CALD1: variants seen among roughly 807,000 people sequenced by gnomAD.
The protein encoded by CALD1 is caldesmon 1.
A neutral mutation model predicts 99.9 loss-of-function variants in CALD1; 33 were observed. That is an observed-to-expected ratio of 0.33 (90% CI 0.25 to 0.44). The LOEUF (loss-of-function observed/expected upper bound fraction) is 0.44, where lower values mean the gene tolerates loss of function less well. Ranked by LOEUF, CALD1 falls within the 20% of genes least tolerant of loss-of-function variation. CALD1 has a pLI of 1.00. For synonymous variants in CALD1, 310 were observed against 325.0 expected, an observed-to-expected ratio of 0.95 and a Z score of 0.50; for missense variants, 861 against 962.1, an observed-to-expected ratio of 0.89 and a Z score of 1.39.
the CALD1 span, among the ~76,000 whole-genome samples, chr7:134,726,221 G>C: frequency 0.15 from 22,693 of 150,594 alleles, 1,854 homozygotes; most frequent in East Asian, 0.22. Context: ...CACATAAGGA[G>C]AAGAAAAATC....
chr7:134,955,562 T>C (rs1196091671), intron 9 of CALD1, among the ~76,000 whole-genome samples: 1 of 152,226 alleles, frequency 6.6e-6, no homozygotes, highest in Admixed American at 6.5e-5. Context: ...TCTTCATGGC[T>C]TGCAGATGGC....
chr7:134,948,617 G>A (rs939037149), intron 8 of CALD1, among the ~76,000 whole-genome samples: 1 of 151,964 alleles, frequency 6.6e-6, no homozygotes, highest in African/African-American at 2.4e-5. Context: ...AGGAGACCCC[G>A]CTTTTCCAAC....
At chr7:134,774,670 C>T (rs970697162), upstream of CALD1, among the ~76,000 whole-genome samples, 1 of 152,152 alleles carries the variant, frequency 6.6e-6, no homozygotes, top group African/African-American at 2.4e-5. Context: ...TTCCATATTC[C>T]GAGGTTTTCC....
At chr7:134,794,792 T>C (rs1797685946) in intron 1 of CALD1, among the ~76,000 whole-genome samples, 1 of 152,344 alleles carries the variant, frequency 6.6e-6, no homozygotes, top group Middle Eastern at 3.4e-3. Context: ...AAGTCTAACA[T>C]AAGTAACAAT....
intron 8 of CALD1, among the ~76,000 whole-genome samples, chr7:134,948,403 T>C (rs1584648780): frequency 6.6e-6 from 1 of 152,084 alleles, no homozygotes; most frequent in Admixed American, 6.6e-5. Context: ...AAACAGCAGA[T>C]AGAGTTACAA....
chr7:134,896,066 C>T (rs1334259171), intron 3 of CALD1, among the ~76,000 whole-genome samples: 1 of 152,182 alleles, frequency 6.6e-6, no homozygotes, highest in African/African-American at 2.4e-5. Flanking sequence ...GCCACTCTGG[C>T]TCATATCCCT....
At position 134,960,092 on chromosome 7, in the gene CALD1, C is replaced by A; in HGVS notation, c.2180C>A (p.Ala727Glu). ...EKGNVFSSPT[A>E]AGTPNKETAG... ...GGGAATGTGTTTTCATCCCCCACTG[C>A]AGCAGGCACACCAAATAAGGTGAGC... Residue 727 changes from alanine to glutamate, a missense_variant, in exon 12 of 15, where the codon GCA (alanine) becomes GAA (glutamate). This residue lies in a region of CALD1 where 190 missense variants were observed against 249.0 expected (regional missense o/e 0.76). Coordinates refer to ENST00000361675, the MANE Select transcript of CALD1 (RefSeq NM_033138.4). The A allele has an allele frequency of 6.2e-7, 1 of 1,614,174 alleles. No individual in the cohort carries two copies. Among genetic ancestry groups the A allele is most frequent in the Non-Finnish European group, 8.5e-7 (1 of 1,180,010 alleles).
intron 4 of CALD1, among the ~76,000 whole-genome samples, chr7:134,931,101 T>G (rs1805491083): frequency 6.6e-6 from 1 of 152,192 alleles, no homozygotes; most frequent in Non-Finnish European, 1.5e-5. Context: ...TTCTTTTTTT[T>G]TTTAGAAAAT....
chr7:134,842,365 T>A (rs890217725), intron 1 of CALD1, among the ~76,000 whole-genome samples: 8 of 152,256 alleles, frequency 5.3e-5, no homozygotes, highest in African/African-American at 1.9e-4. Context: ...TGAAATAATG[T>A]GTGCAATGTG....
intron 2 of CALD1, among the ~76,000 whole-genome samples, chr7:134,852,120 C>T (rs1195276317): frequency 6.6e-6 from 1 of 151,994 alleles, no homozygotes; most frequent in Non-Finnish European, 1.5e-5. Context: ...AACAGCAAGG[C>T]CATATAGTAT....
At chr7:134,817,193 T>TA (rs1194562296) in intron 1 of CALD1, among the ~76,000 whole-genome samples, 1 of 152,184 alleles carries the variant, frequency 6.6e-6, no homozygotes, top group Admixed American at 6.5e-5. Context: ...AAGACTACCT[T>TA]AAAAGAAGAC....
chr7:134,756,238 T>C (rs12667990), intron 1 of CALD1, among the ~76,000 whole-genome samples: 94,600 of 139,814 alleles, frequency 0.68, 32,758 homozygotes, highest in East Asian at 0.99. Flanking sequence ...CACCATTGCA[T>C]TCCAGCCTGG....
intron 8 of CALD1, 119 bp from the exon 9 acceptor site, chr7:134,950,255 G>A: frequency 1.1e-6 from 1 of 874,806 alleles, no homozygotes; most frequent in Non-Finnish European, 1.7e-6. Context: ...TAGAAGGGGA[G>A]TGTCCAGCCT....
intron 1 of CALD1, among the ~76,000 whole-genome samples, chr7:134,805,210 C>A (rs966998036): frequency 6.6e-6 from 1 of 152,132 alleles, no homozygotes; most frequent in Admixed American, 6.5e-5. Flanking sequence ...ATTTCCTTCT[C>A]CTCATTTCCC....
intron 3 of CALD1, among the ~76,000 whole-genome samples, chr7:134,907,869 C>T (rs987556681): frequency 3.9e-5 from 6 of 152,190 alleles, no homozygotes; most frequent in East Asian, 3.9e-4. Context: ...AATGAACAAG[C>T]GCCTATTGGT....
At chr7:134,869,424 G>A (rs1800959294) in intron 3 of CALD1, among the ~76,000 whole-genome samples, 2 of 152,146 alleles carry the variant, frequency 1.3e-5, no homozygotes, top group African/African-American at 4.8e-5. Context: ...TAGAATATGG[G>A]GATACCAGCA....
intron 1 of CALD1, among the ~76,000 whole-genome samples, chr7:134,755,631 T>C (rs923641840): frequency 4.6e-5 from 7 of 152,222 alleles, no homozygotes; most frequent in South Asian, 2.1e-4. Context: ...TGGTGTACAG[T>C]ACACAGCCTG....
intron 1 of CALD1, among the ~76,000 whole-genome samples, chr7:134,767,656 T>A (rs748027846): frequency 7.2e-5 from 11 of 152,224 alleles, no homozygotes; most frequent in Non-Finnish European, 1.3e-4. Context: ...TCCTTGAGCA[T>A]GAACGGGAAG....
At chr7:134,814,641 G>A (rs771233157) in intron 1 of CALD1, among the ~76,000 whole-genome samples, 10 of 152,162 alleles carry the variant, frequency 6.6e-5, no homozygotes, top group Admixed American at 2.0e-4. Context: ...CTAACCCTAC[G>A]GAAGATGCTA....
Sources: gnomAD v4.1 joint callset for allele counts (sites outside exome capture counted in the v4.1 genomes callset) on GRCh38, gnomAD v4.1.1 for gene constraint, gnomAD v4.1.1 regional missense constraint, MANE v1.5 for transcripts, NCBI Gene and HGNC (gene_info 2026-07-23, HGNC 2026-07-21) for gene names.